The following PCDHGA1 variants were observed in gnomAD, a reference collection of about 807,000 sequenced individuals.
The protein encoded by PCDHGA1 is protocadherin gamma subfamily A, 1, also known as protocadherin gamma-A1.
A neutral mutation model predicts 58.0 loss-of-function variants in PCDHGA1; 32 were observed. The ratio of observed to expected loss-of-function variants is 0.55; its 90% CI spans 0.42 to 0.74. PCDHGA1 has a LOEUF of 0.74. PCDHGA1 is among the 30% of genes least tolerant of loss of function. PCDHGA1 has a pLI of 0.00. For synonymous variants in PCDHGA1, 498 were observed against 501.1 expected (o/e 0.99, Z 0.08); for missense variants, 1,205 against 1,182.3 (o/e 1.02, Z -0.28).
intron 1 of PCDHGA1, chr5:141,383,907 A>G: frequency 6.2e-7 from 1 of 1,613,958 alleles, no homozygotes; most frequent in Non-Finnish European, 8.5e-7. Flanking sequence ...TACTGATCAC[A>G]GTTTTAGATG....
intron 1 of PCDHGA1, chr5:141,346,114 T>G: frequency 6.2e-7 from 1 of 1,613,878 alleles, no homozygotes; most frequent in Non-Finnish European, 8.5e-7. Flanking sequence ...CTGTACCTGG[T>G]GGTGGCGGTG....
chr5:141,340,120 C>A (rs779861738), intron 1 of PCDHGA1: 1 of 1,614,108 alleles, frequency 6.2e-7, no homozygotes, highest in East Asian at 2.2e-5. Context: ...CATTCACCAC[C>A]TGTTCACTCC....
chr5:141,360,445 C>T (rs1253448702), intron 1 of PCDHGA1: 5 of 1,613,934 alleles, frequency 3.1e-6, no homozygotes, highest in Non-Finnish European at 3.4e-6. Flanking sequence ...TCTGTGTGTT[C>T]TGGATTTCGA....
intron 2 of PCDHGA1, among the ~76,000 whole-genome samples, chr5:141,500,428 C>G (rs1224554560): frequency 6.6e-6 from 1 of 151,836 alleles, no homozygotes; most frequent in African/African-American, 2.4e-5. Context: ...CCAGGATGGT[C>G]TCGATCTCCT....
intron 1 of PCDHGA1, chr5:141,408,661 G>T (rs1462103250): frequency 1.2e-6 from 2 of 1,613,888 alleles, no homozygotes; most frequent in Middle Eastern, 3.3e-4. Context: ...CACGACTATC[G>T]CTTGACCCTG....
chr5:141,351,693 G>A, intron 1 of PCDHGA1: 1 of 1,613,954 alleles, frequency 6.2e-7, no homozygotes, highest in Middle Eastern at 1.6e-4. Flanking sequence ...CCGGATTTGG[G>A]ACCCAACGGC....
At chr5:141,366,064 G>A (rs761173450) in intron 1 of PCDHGA1, 4 of 1,614,106 alleles carry the variant, frequency 2.5e-6, no homozygotes, top group African/African-American at 1.3e-5. Flanking sequence ...TGGAGCTGGC[G>A]CCTCGCTCCG....
rs181495329 is a variant in PCDHGA1, at chr5:141,489,120, G to A, written c.2422-5687G>A. ...AACTGCTGCAAGCAGGCAAACCTCC[G>A]AGCAGTTTTTAAGAGGCTGGAAGGA... is the stretch of plus-strand genomic sequence containing the variant. On this transcript the variant is annotated intron_variant, in intron 1 of 3. Coordinates refer to ENST00000517417, the MANE Select transcript of PCDHGA1 (RefSeq NM_018912.3). This position sits in a 1 kb window ranked among gnomAD's most constrained non-coding sequence, Gnocchi z 4.5. 1.8e-5 allele frequency: 8 copies of A among 445,672 alleles called. No homozygotes were observed. The East Asian group carries it at 1.9e-4, about 11-fold the overall frequency. The allele number at this position is 445,672 out of a possible 1,614,324, so 27.6% of individuals were successfully genotyped here.
At chr5:141,403,131 C>A (rs1377543238) in intron 1 of PCDHGA1, 2 of 1,613,916 alleles carry the variant, frequency 1.2e-6, no homozygotes, top group East Asian at 4.5e-5. Context: ...CGGGAGCTGG[C>A]GGAGCGCCGA....
chr5:141,477,874 T>G lies in PCDHGA1; in HGVS notation c.2422-16933T>G. On this transcript the variant is annotated intron_variant, in intron 1 of 3. Coordinates refer to ENST00000517417, the MANE Select transcript of PCDHGA1 (RefSeq NM_018912.3). This position sits in a 1 kb window ranked among gnomAD's most constrained non-coding sequence, Gnocchi z 4.9. ...AGATGCTGCCTCGAGGTACCTCAGC[T>G]GGCCACCTAGTGTCACGGGTGGTAG... 1 of 1,614,176 alleles carries G rather than the reference T, an allele frequency of 6.2e-7. No individual in the cohort carries two copies. The highest frequency in any genetic ancestry group is 8.5e-7 in the Non-Finnish European group (1 of 1,180,028).
chr5:141,338,800 T>G (rs1588445075), intron 1 of PCDHGA1: 6 of 1,341,532 alleles, frequency 4.5e-6, no homozygotes, highest in Admixed American at 3.5e-5. Context: ...GGGGTGGAGG[T>G]TTGGCCCTAA....
At chr5:141,495,104 G>C (rs552664771) in intron 2 of PCDHGA1, among the ~76,000 whole-genome samples, 16 of 152,194 alleles carry the variant, frequency 1.1e-4, no homozygotes, top group Admixed American at 8.5e-4. Flanking sequence ...CGCCACGACC[G>C]GCACCTTTTC....
chr5:141,356,131 G>C (rs1760119360), intron 1 of PCDHGA1: 1 of 1,613,690 alleles, frequency 6.2e-7, no homozygotes, highest in African/African-American at 1.3e-5. Flanking sequence ...AGATTATGAG[G>C]ACTCTGGATT....
Position 141,434,824 on chromosome 5 carries a change from A to C in PCDHGA1, c.2422-59983A>C, listed in dbSNP as rs143305842. ...CTTGGAGAAATATATCCCTTAGTACACTTGGCATTTATAAAGCAGACATCA... is the reference window on the plus strand; with the variant it reads ...CTTGGAGAAATATATCCCTTAGTACCCTTGGCATTTATAAAGCAGACATCA... On this transcript the variant is annotated intron_variant, in intron 1 of 3. Coordinates refer to ENST00000517417, the MANE Select transcript of PCDHGA1 (RefSeq NM_018912.3). 7.9e-4 allele frequency among the ~76,000 whole-genome samples: 120 copies of C among 152,004 alleles called. 2 individuals are homozygous for C. The highest frequency in any genetic ancestry group is 2.8e-3 in the African/African-American group (115 of 41,454).
chr5:141,508,935 A>T (rs180987868), intron 3 of PCDHGA1, among the ~76,000 whole-genome samples: 2 of 152,118 alleles, frequency 1.3e-5, no homozygotes, highest in Non-Finnish European at 2.9e-5. Context: ...GGAGTTAATT[A>T]GGGAAAACAG....
chr5:141,348,007 G>A (rs529602775), intron 1 of PCDHGA1, among the ~76,000 whole-genome samples: 1 of 152,182 alleles, frequency 6.6e-6, no homozygotes, highest in Admixed American at 6.5e-5. Flanking sequence ...AGCCTCTGCG[G>A]GAGATTTCCA....
chr5:141,504,241 A>G (rs1282647590), intron 2 of PCDHGA1, among the ~76,000 whole-genome samples: 1 of 152,156 alleles, frequency 6.6e-6, no homozygotes, highest in Non-Finnish European at 1.5e-5. Flanking sequence ...AGAAGCAGAG[A>G]GTTCTTCTTA....
At chr5:141,340,447 G>A in intron 1 of PCDHGA1, 2 of 1,614,172 alleles carry the variant, frequency 1.2e-6, no homozygotes, top group Non-Finnish European at 1.7e-6. Flanking sequence ...ACTCTTTCGC[G>A]GAGGACACTG....
chr5:141,469,404 G>A (rs1439441297), intron 1 of PCDHGA1, among the ~76,000 whole-genome samples: 7 of 151,874 alleles, frequency 4.6e-5, no homozygotes, highest in African/African-American at 1.5e-4. Flanking sequence ...GTGAAACCCC[G>A]TTTCTACTAA....
Sources: allele counts gnomAD v4.1 joint callset (sites outside exome capture counted in the v4.1 genomes callset), GRCh38; gene constraint gnomAD v4.1.1; non-coding constraint Gnocchi (gnomAD v3.1); transcripts MANE v1.5; gene names NCBI Gene and HGNC (gene_info 2026-07-23, HGNC 2026-07-21).